Variants in URI1 observed in about 807,000 individuals in gnomAD.
The protein encoded by URI1 is URI1 prefoldin like chaperone.
URI1 carries 39 observed loss-of-function variants against 60.2 expected under a neutral mutation model. That is an observed-to-expected ratio of 0.65 (90% CI 0.50 to 0.85). The LOEUF is 0.85. Ranked by LOEUF, URI1 falls within the 40% of genes least tolerant of loss-of-function variation. The pLI is 0.00. For synonymous variants in URI1, 251 were observed against 236.8 expected (o/e 1.06, Z -0.55); for missense variants, 691 against 665.9 (o/e 1.04, Z -0.42).
chr19:29,954,500 C>G (rs1184715009), intron 1 of URI1, among the ~76,000 whole-genome samples: 1 of 146,994 alleles, frequency 6.8e-6, no homozygotes, highest in East Asian at 2.0e-4. Context: ...TTACTTACCC[C>G]TACAGATAAA....
upstream of URI1, among the ~76,000 whole-genome samples, chr19:29,940,420 G>A (rs745852854): frequency 1.3e-5 from 2 of 152,126 alleles, no homozygotes; most frequent in Non-Finnish European, 2.9e-5. Context: ...AGGCCAAGGC[G>A]GGTGGATCAC....
intron 1 of URI1, among the ~76,000 whole-genome samples, chr19:29,930,511 G>GT (rs947378230): frequency 8.4e-4 from 123 of 146,524 alleles, no homozygotes; most frequent in African/African-American, 2.4e-3. Context: ...CACCATTTGT[G>GT]TTTTTTTTTT....
upstream of URI1, chr19:29,937,650 G>A (rs139852005): frequency 1.3e-5 from 2 of 152,202 alleles, no homozygotes; most frequent in Non-Finnish European, 2.9e-5. Context: ...CAGGCAACCA[G>A]TGACCTGGAA....
In URI1 at chr19:29,942,305, T is replaced by G. The variant is rs2055037011; in HGVS notation, c.-243T>G. ...CGCACCGGAGAGGCGTCTCGGTACCTGGCAGGCGGCCTGCTACTCGGAGCC... is the reference window on the plus strand; with the variant it reads ...CGCACCGGAGAGGCGTCTCGGTACCGGGCAGGCGGCCTGCTACTCGGAGCC... On this transcript the variant is annotated 5_prime_UTR_variant, in exon 1 of 11. Coordinates refer to ENST00000392271, the MANE Select transcript of URI1 (RefSeq NM_003796.3). 2 of 985,042 alleles carry G rather than the reference T, an allele frequency of 2.0e-6. No homozygotes were observed. Among genetic ancestry groups the G allele is most frequent in the South Asian group, 4.5e-5 (1 of 22,100 alleles). The allele number at this position is 985,042 out of a possible 1,614,324, so 61.0% of individuals were successfully genotyped here.
intron 4 of URI1, among the ~76,000 whole-genome samples, chr19:30,001,117 TC>T (rs1379913585): frequency 6.6e-6 from 1 of 151,824 alleles, no homozygotes; most frequent in East Asian, 1.9e-4. Context: ...GTTTCTTTTT[TC>T]TTCTCCCTCT....
intron 1 of URI1, among the ~76,000 whole-genome samples, chr19:29,954,016 G>A (rs2145264124): frequency 6.6e-6 from 1 of 152,264 alleles, no homozygotes; most frequent in East Asian, 1.9e-4. Context: ...TGTATACCCT[G>A]ATACTTTGAA....
upstream of URI1, chr19:29,942,167 G>T (rs1156387060): frequency 1.0e-6 from 1 of 973,184 alleles, no homozygotes; most frequent in Non-Finnish European, 1.2e-6. Flanking sequence ...CTGGGGGCGG[G>T]GCCTGCGCGA....
intron 2 of URI1, among the ~76,000 whole-genome samples, chr19:29,972,375 A>G (rs1426600789): frequency 6.6e-6 from 1 of 152,094 alleles, no homozygotes; most frequent in Non-Finnish European, 1.5e-5. Context: ...TCAGGTTAAA[A>G]CTTGAAATAC....
At chr19:29,994,278 A>G (rs2055783777) in intron 4 of URI1, among the ~76,000 whole-genome samples, 1 of 152,062 alleles carries the variant, frequency 6.6e-6, no homozygotes, top group Non-Finnish European at 1.5e-5. Context: ...TAACTAGCTA[A>G]CTTACTGTCT....
rs528733491 is a variant in URI1, at chr19:29,994,659, C to T, written c.367+8242C>T. On this transcript the variant is annotated intron_variant, in intron 4 of 10. Coordinates refer to ENST00000392271, the MANE Select transcript of URI1 (RefSeq NM_003796.3). ...TGTGAATAATGTGAATTATTCTGTTCGCTATTGTGAATAGTGCTGCTATGA... is the reference window on the plus strand; with the variant it reads ...TGTGAATAATGTGAATTATTCTGTTTGCTATTGTGAATAGTGCTGCTATGA... Among the ~76,000 whole-genome samples, 152 of 151,756 alleles carry T rather than the reference C, an allele frequency of 1.0e-3. No homozygotes were observed. In the Middle Eastern group the frequency reaches 0.014, roughly 14 times the overall value.
At chr19:30,011,635 C>CT (rs977485477) in intron 9 of URI1, among the ~76,000 whole-genome samples, 5 of 145,960 alleles carry the variant, frequency 3.4e-5, no homozygotes, top group African/African-American at 7.6e-5. Flanking sequence ...TTTTTTTTTC[C>CT]TTTTTTTTGG....
chr19:29,950,423 C>T (rs186079700), intron 1 of URI1, among the ~76,000 whole-genome samples: 2 of 152,264 alleles, frequency 1.3e-5, no homozygotes, highest in Admixed American at 1.3e-4. Flanking sequence ...CTGTCATATG[C>T]AATTTTCCCC....
chr19:29,933,305 T>G (rs1030473220), intron 1 of URI1, among the ~76,000 whole-genome samples: 6 of 152,214 alleles, frequency 3.9e-5, no homozygotes, highest in Non-Finnish European at 7.3e-5. Context: ...TTGTTATAGA[T>G]CCAATCAGAT....
intron 1 of URI1, among the ~76,000 whole-genome samples, chr19:29,969,280 T>A (rs536735231): frequency 2.3e-4 from 35 of 152,234 alleles, no homozygotes; most frequent in African/African-American, 7.5e-4. Context: ...TTAAGGGAAG[T>A]AAAAGGAACA....
chr19:30,015,294 C>CA lies in URI1; in HGVS notation c.*225_*226insA. ...GAATTCTCTGAATACTGTCAACACTCTTATCTAAGTTTGCCTTTATGATGC... is the reference window on the plus strand; with the variant it reads ...GAATTCTCTGAATACTGTCAACACTCATTATCTAAGTTTGCCTTTATGATGC... On this transcript the variant is annotated 3_prime_UTR_variant, in exon 11 of 11. Transcript: ENST00000392271. 1 of 1,417,380 alleles carries CA rather than the reference C, an allele frequency of 7.1e-7. No homozygotes were observed. The highest frequency in any genetic ancestry group is 1.6e-5 in the South Asian group (1 of 60,746). 87.8% of individuals were successfully genotyped at this position (1,417,380 alleles called of 1,614,324 possible).
Position 29,986,387 on chromosome 19 carries a change from G to C in URI1, c.337G>C (p.Ala113Pro), listed in dbSNP as rs1257899587. The change falls in exon 4 of 11, where the codon GCT becomes CCT. Residue 113 changes from alanine (A) to proline (P), a missense_variant. Physicochemically the swap from Ala to Pro is conservative, Grantham distance 27 (BLOSUM62 -1). Transcript: ENST00000392271. Reference sequence around the variant, plus strand: ...GTTTGCAAAGTGCTCAGCAAAGCAGGCTGTAGGTTTAGTTGAGCACCGGAA... The same window carrying C: ...GTTTGCAAAGTGCTCAGCAAAGCAGCCTGTAGGTTTAGTTGAGCACCGGAA... The part of the protein sequence containing the change: ...NWFAKCSAKQ[A>P]VGLVEHRKEH... The C allele has an allele frequency of 6.2e-7, 1 of 1,610,068 alleles. No individual in the cohort carries two copies. Among genetic ancestry groups the C allele is most frequent in the Non-Finnish European group, 8.5e-7 (1 of 1,179,328 alleles).
At chr19:29,944,191 AT>A (rs763151747) in intron 1 of URI1, among the ~76,000 whole-genome samples, 2 of 114,350 alleles carry the variant, frequency 1.7e-5, no homozygotes, top group Admixed American at 8.9e-5. Context: ...ATATATATAT[AT>A]AAAACTTAAC....
At chr19:29,941,462 A>G (rs1303565108), upstream of URI1, among the ~76,000 whole-genome samples, 1 of 152,054 alleles carries the variant, frequency 6.6e-6, no homozygotes, top group Non-Finnish European at 1.5e-5. Context: ...CTCTACAAAA[A>G]ATAGAAAAAT....
intron 2 of URI1, among the ~76,000 whole-genome samples, chr19:29,980,613 A>T (rs1273738450): frequency 3.6e-3 from 9 of 2,502 alleles, no homozygotes; most frequent in Admixed American, 0.024. Flanking sequence ...TTTTTTTCTT[A>T]AAAAAAAAAA....
Sources: allele counts gnomAD v4.1 joint callset (sites outside exome capture counted in the v4.1 genomes callset), GRCh38; gene constraint gnomAD v4.1.1; transcripts MANE v1.5; gene names NCBI Gene and HGNC (gene_info 2026-07-23, HGNC 2026-07-21).